MARCO: variants seen among roughly 807,000 people sequenced by gnomAD.
MARCO encodes macrophage receptor MARCO.
In MARCO, 72 loss-of-function variants were observed where a neutral mutation model predicts 70.0. The observed-to-expected ratio is 1.03, with a 90% CI of 0.85 to 1.25. MARCO has a LOEUF of 1.25. Ranked by LOEUF, MARCO falls within the 50% of genes most tolerant of loss-of-function variation. The pLI is 0.00. For synonymous variants in MARCO, 273 were observed against 243.1 expected (o/e 1.12, Z -1.14); for missense variants, 696 against 659.3 (o/e 1.06, Z -0.61).
At position 118,974,580 on chromosome 2, in the gene MARCO, G is replaced by T; in HGVS notation, c.613+15G>T. ...GGGAGAGGCGGGTGAGTAGGTGCTG[G>T]GTATGTACCCAGAAATACACAGCAA... is the stretch of plus-strand genomic sequence containing the variant. On this transcript the variant is annotated intron_variant, in intron 6 of 16. Transcript: ENST00000327097. 1.9e-6 allele frequency: 3 copies of T among 1,610,574 alleles called. No homozygotes were observed. The highest frequency in any genetic ancestry group is 2.5e-6 in the Non-Finnish European group (3 of 1,178,776).
At chr2:118,954,826 T>G (rs1377559463) in intron 1 of MARCO, among the ~76,000 whole-genome samples, 2 of 152,058 alleles carry the variant, frequency 1.3e-5, no homozygotes, top group Non-Finnish European at 2.9e-5. Flanking sequence ...CAAAAATCAC[T>G]GCAGTTTGAC....
At chr2:118,978,944 C>A (rs1303526858) in intron 8 of MARCO, among the ~76,000 whole-genome samples, 1 of 152,138 alleles carries the variant, frequency 6.6e-6, no homozygotes, top group Non-Finnish European at 1.5e-5. Flanking sequence ...TGATATGGCT[C>A]ACTAACTGTG....
chr2:118,966,940 C>T (rs967265534), intron 1 of MARCO, among the ~76,000 whole-genome samples: 2 of 152,172 alleles, frequency 1.3e-5, no homozygotes, highest in Non-Finnish European at 2.9e-5. Context: ...AGTTGCATTC[C>T]TGATGTTCTT....
rs1280973121 is a variant in MARCO, at chr2:118,991,757, G to A, written c.1109-20G>A. ...AAGGCAAAGCAGGGCACCTGATCAG[G>A]GCAGTGTCTCTCCTTCCAGGCCCTG... On this transcript the variant is annotated intron_variant, in intron 13 of 16. Transcript: ENST00000327097. The A allele has an allele frequency of 1.3e-6, 2 of 1,495,868 alleles. No individual in the cohort carries two copies. Among genetic ancestry groups the A allele is most frequent in the Admixed American group, 2.1e-5 (1 of 48,772 alleles). The allele number at this position is 1,495,868 out of a possible 1,614,324, so 92.7% of individuals were successfully genotyped here.
intron 1 of MARCO, among the ~76,000 whole-genome samples, chr2:118,950,899 A>T (rs1679710683): frequency 6.6e-6 from 1 of 152,164 alleles, no homozygotes; most frequent in African/African-American, 2.4e-5. Flanking sequence ...AGAAGTTAGG[A>T]TAATACATAT....
intron 1 of MARCO, among the ~76,000 whole-genome samples, chr2:118,943,707 G>A (rs957332903): frequency 4.6e-5 from 7 of 152,318 alleles, no homozygotes; most frequent in Admixed American, 1.3e-4. Context: ...CGGGGTGGGC[G>A]CCACATGTTT....
intron 1 of MARCO, among the ~76,000 whole-genome samples, chr2:118,966,888 T>C (rs1415333802): frequency 2.6e-5 from 4 of 152,218 alleles, no homozygotes; most frequent in Non-Finnish European, 5.9e-5. Flanking sequence ...TCGTGTGTTA[T>C]TTGTCTTCAT....
At chr2:118,990,723 C>A in intron 13 of MARCO, 90 bp downstream of exon 13, 2 of 1,252,636 alleles carry the variant, frequency 1.6e-6, no homozygotes, top group Non-Finnish European at 2.3e-6. Context: ...ATTGAATGCA[C>A]AGCTGTGACC....
At chr2:118,964,485 T>G (rs1378791977) in intron 1 of MARCO, among the ~76,000 whole-genome samples, 1 of 152,216 alleles carries the variant, frequency 6.6e-6, no homozygotes, top group South Asian at 2.1e-4. Context: ...GTATTTTTAT[T>G]GGCAATATAA....
Position 118,986,664 on chromosome 2 carries a change from GGAAGGAAGGAAAGAAAGAAAGAAAGAAA to G in MARCO, c.1064-3921_1064-3894del, listed in dbSNP as rs1467239893. 2.3e-3 allele frequency among the ~76,000 whole-genome samples: 82 copies of G among 35,366 alleles called. 2 individuals are homozygous for G. Among genetic ancestry groups the G allele is most frequent in the East Asian group, 0.013 (17 of 1,344 alleles). 23.2% of individuals were successfully genotyped at this position (35,366 alleles called of 152,430 possible). A position where few individuals can be genotyped will look rare whatever the true frequency, so the allele number is the denominator to read the frequency against. ...AAGAAAGAAAGAAAGAAGGAAGGAA[GGAAGGAAGGAAAGAAAGAAAGAAAGAAA>G]GAAAGAAAGAAAGAAAGAAAGAAAG... On this transcript the variant is annotated intron_variant, in intron 12 of 16. Coordinates refer to ENST00000327097, the MANE Select transcript of MARCO (RefSeq NM_006770.4).
intron 1 of MARCO, among the ~76,000 whole-genome samples, chr2:118,956,789 G>A (rs904363277): frequency 6.6e-6 from 1 of 152,082 alleles, no homozygotes; most frequent in African/African-American, 2.4e-5. Flanking sequence ...ATTATATCAA[G>A]CATTCTCTCA....
intron 1 of MARCO, among the ~76,000 whole-genome samples, chr2:118,951,399 G>C (rs1238079300): frequency 1.3e-5 from 2 of 152,238 alleles, no homozygotes; most frequent in Non-Finnish European, 2.9e-5. Context: ...TAAGGTTCTT[G>C]AGTCAGTGAG....
At chr2:118,945,482 G>A (rs1221466530) in intron 1 of MARCO, among the ~76,000 whole-genome samples, 15 of 149,374 alleles carry the variant, frequency 1.0e-4, no homozygotes, top group African/African-American at 1.5e-4. Flanking sequence ...GAGCGATCTC[G>A]GCTCAGTGCA....
At chr2:118,953,994 G>C (rs1310886465) in intron 1 of MARCO, among the ~76,000 whole-genome samples, 2 of 152,178 alleles carry the variant, frequency 1.3e-5, no homozygotes, top group Non-Finnish European at 1.5e-5. Flanking sequence ...AGGAGCAGGG[G>C]CAAAACTCCA....
chr2:118,966,168 T>C (rs1680043421), intron 1 of MARCO, among the ~76,000 whole-genome samples: 1 of 152,212 alleles, frequency 6.6e-6, no homozygotes, highest in South Asian at 2.1e-4. Context: ...TTCACTGGGA[T>C]CTTTTACAGA....
intron 13 of MARCO, among the ~76,000 whole-genome samples, chr2:118,991,252 G>GT (rs1288274603): frequency 1.0e-4 from 10 of 95,622 alleles, no homozygotes; most frequent in East Asian, 2.4e-4. Context: ...TATGTTTTAT[G>GT]GTTTTTTTTT....
intron 12 of MARCO, among the ~76,000 whole-genome samples, chr2:118,986,811 A>G (rs1680527567): frequency 6.6e-6 from 1 of 152,104 alleles, no homozygotes; most frequent in Non-Finnish European, 1.5e-5. Context: ...AGGGAAAGAA[A>G]GAAAGTTTTC....
At chr2:118,978,582 C>T (rs989635532) in intron 8 of MARCO, among the ~76,000 whole-genome samples, 2 of 152,178 alleles carry the variant, frequency 1.3e-5, no homozygotes, top group East Asian at 1.9e-4. Flanking sequence ...GTGAGGATTG[C>T]GGGGCCAGGC....
chr2:118,953,408 G>T (rs565111614), intron 1 of MARCO, among the ~76,000 whole-genome samples: 1 of 152,332 alleles, frequency 6.6e-6, no homozygotes, highest in East Asian at 1.9e-4. Context: ...CATTTGGTGT[G>T]ATTGTCAGTT....
Sources: allele counts gnomAD v4.1 joint callset (sites outside exome capture counted in the v4.1 genomes callset), GRCh38; gene constraint gnomAD v4.1.1; transcripts MANE v1.5; gene names NCBI Gene and HGNC (gene_info 2026-07-23, HGNC 2026-07-21).